The following MAGI2 variants were observed in gnomAD, a reference collection of about 807,000 sequenced individuals.
MAGI2 encodes the protein membrane associated guanylate kinase, WW and PDZ domain containing 2.
Under a neutral mutation model 133.3 loss-of-function variants are expected in MAGI2, and 35 were observed. The observed-to-expected ratio is 0.26, with a 90% CI of 0.20 to 0.35. The LOEUF is 0.35. Ranked by LOEUF, MAGI2 falls within the 10% of genes least tolerant of loss-of-function variation. MAGI2 has a pLI of 1.00. For missense variants in MAGI2, 1,636 were observed against 1,863.4 expected (o/e 0.88, Z 2.25); for synonymous variants, 729 against 710.6 (o/e 1.03, Z -0.41).
intron 6 of MAGI2, among the ~76,000 whole-genome samples, chr7:78,409,123 T>G (rs1583955964): frequency 6.6e-6 from 1 of 152,198 alleles, no homozygotes; most frequent in Non-Finnish European, 1.5e-5. Flanking sequence ...CATAGCACCT[T>G]TCTATCACAA....
intron 6 of MAGI2, among the ~76,000 whole-genome samples, chr7:78,462,276 T>A (rs1375182036): frequency 2.6e-5 from 4 of 152,268 alleles, no homozygotes; most frequent in Middle Eastern, 3.4e-3. Context: ...AAAACCAGTA[T>A]ACAAATTAAG....
At chr7:78,465,090 T>C (rs1337578082) in intron 6 of MAGI2, among the ~76,000 whole-genome samples, 1 of 152,126 alleles carries the variant, frequency 6.6e-6, no homozygotes, top group African/African-American at 2.4e-5. Context: ...TACAAATAAT[T>C]TATCAGGCAA....
chr7:78,350,036 G>T (rs17150594), intron 7 of MAGI2: 1 of 152,126 alleles, frequency 6.6e-6, no homozygotes, highest in Non-Finnish European at 1.5e-5. Flanking sequence ...GTCATATTTT[G>T]CTAAGAGAAT....
chr7:78,265,484 T>C (rs1159880036), intron 9 of MAGI2, among the ~76,000 whole-genome samples: 1 of 152,170 alleles, frequency 6.6e-6, no homozygotes, highest in African/African-American at 2.4e-5. Context: ...AAACAAAAAG[T>C]AGCAAACATT....
chr7:78,889,537 A>T lies in MAGI2; in HGVS notation c.418+117553T>A, dbSNP rs542075783. Among the ~76,000 whole-genome samples the T allele has an allele frequency of 3.5e-4, 53 of 152,358 alleles. No homozygotes were observed. The South Asian group carries it at 0.011, about 32-fold the overall frequency. On this transcript the variant is annotated intron_variant, in intron 2 of 21. Transcript: ENST00000354212. ...AGACTAACAGTGGATCTCTCAGCAG[A>T]AACTCTACAAGCCAGAAGACAGTGG... is the stretch of plus-strand genomic sequence containing the variant.
intron 20 of MAGI2, among the ~76,000 whole-genome samples, chr7:78,111,165 C>T (rs12673500): frequency 0.12 from 18,393 of 152,114 alleles, 1,290 homozygotes; most frequent in South Asian, 0.19. Flanking sequence ...GTAATTTATT[C>T]TCAGGCAAAG....
chr7:78,347,840 G>A (rs1791074133), intron 7 of MAGI2, among the ~76,000 whole-genome samples: 1 of 152,144 alleles, frequency 6.6e-6, no homozygotes, highest in Non-Finnish European at 1.5e-5. Context: ...TTATTGTAAT[G>A]CTCTTGTTCA....
intron 5 of MAGI2, among the ~76,000 whole-genome samples, chr7:78,492,197 A>C (rs941509508): frequency 2.0e-5 from 3 of 151,984 alleles, no homozygotes; most frequent in Non-Finnish European, 4.4e-5. Context: ...AGAACTGTGA[A>C]TTTTCCAGCT....
chr7:78,417,201 C>T (rs985645529), intron 6 of MAGI2, among the ~76,000 whole-genome samples: 20 of 151,960 alleles, frequency 1.3e-4, no homozygotes, highest in African/African-American at 4.6e-4. Flanking sequence ...TCTTGAATTA[C>T]ATATAACTGA....
intron 2 of MAGI2, among the ~76,000 whole-genome samples, chr7:78,893,071 A>T (rs1584306973): frequency 1.3e-5 from 2 of 152,196 alleles, no homozygotes; most frequent in East Asian, 3.9e-4. Flanking sequence ...TGGGCAAAGG[A>T]TATGAACAGA....
intron 9 of MAGI2, among the ~76,000 whole-genome samples, chr7:78,280,375 A>G (rs1288169456): frequency 6.6e-6 from 1 of 152,150 alleles, no homozygotes; most frequent in East Asian, 1.9e-4. Context: ...AGGAAAGGAC[A>G]GGAAAGAGCC....
At chr7:79,431,528 T>G (rs1376084422) in intron 1 of MAGI2, among the ~76,000 whole-genome samples, 2 of 152,204 alleles carry the variant, frequency 1.3e-5, no homozygotes, top group African/African-American at 2.4e-5. Context: ...GTAGTCCTAA[T>G]ATAGTATTTT....
Position 79,368,231 on chromosome 7 carries a change from G to A in MAGI2, c.301+84789C>T, listed in dbSNP as rs117227779. Among the ~76,000 whole-genome samples the A allele has an allele frequency of 4.5e-4, 69 of 152,178 alleles. No individual in the cohort carries two copies. In the East Asian group the frequency reaches 0.013, roughly 28 times the overall value. ...GAAAACATGAGGAATAACAGAGACA[G>A]CATAATAGAGCTAGACAGGGAATGA... On this transcript the variant is annotated intron_variant, in intron 1 of 21. Transcript: ENST00000354212.
intron 1 of MAGI2, among the ~76,000 whole-genome samples, chr7:79,062,588 G>A (rs955006949): frequency 6.6e-6 from 1 of 152,076 alleles, no homozygotes; most frequent in Non-Finnish European, 1.5e-5. Context: ...TGTATTTTCT[G>A]CTCAGTTATT....
intron 1 of MAGI2, among the ~76,000 whole-genome samples, chr7:79,448,707 T>TA (rs1563235217): frequency 6.6e-6 from 1 of 152,140 alleles, no homozygotes; most frequent in Non-Finnish European, 1.5e-5. Context: ...AGTCATTAAT[T>TA]AAACTATAAT....
intron 3 of MAGI2, among the ~76,000 whole-genome samples, chr7:78,524,052 G>GAA (rs11434233): frequency 0.26 from 38,561 of 148,986 alleles, 5,084 homozygotes; most frequent in South Asian, 0.43. Flanking sequence ...CATTTCTAGG[G>GAA]AAAAAAAAAA....
chr7:78,119,341 A>G (rs1205216230), intron 20 of MAGI2, among the ~76,000 whole-genome samples: 1 of 152,016 alleles, frequency 6.6e-6, no homozygotes, highest in African/African-American at 2.4e-5. Flanking sequence ...CAGGCAGATC[A>G]TGAGGTCAGG....
Position 78,511,091 on chromosome 7 carries a change from G to T in MAGI2, c.755-9304C>A, listed in dbSNP as rs116590410. ...TGATCTAAGGTTTTATTGGATTGTG[G>T]TGGGAGGACTGTTTGCTTCACTGCT... On this transcript the variant is annotated intron_variant, in intron 4 of 21. Coordinates refer to ENST00000354212, the MANE Select transcript of MAGI2 (RefSeq NM_012301.4). Among the ~76,000 whole-genome samples, 689 of 152,246 alleles carry T rather than the reference G, an allele frequency of 4.5e-3. 2 individuals are homozygous for T. Among genetic ancestry groups the T allele is most frequent in the African/African-American group, 0.016 (661 of 41,532 alleles).
intron 9 of MAGI2, among the ~76,000 whole-genome samples, chr7:78,328,932 A>C (rs970227101): frequency 6.6e-6 from 1 of 152,226 alleles, no homozygotes; most frequent in African/African-American, 2.4e-5. Flanking sequence ...AAAGAAAGAC[A>C]GTTCTAGGTT....
Sources: gnomAD v4.1 joint callset for allele counts (sites outside exome capture counted in the v4.1 genomes callset) on GRCh38, gnomAD v4.1.1 for gene constraint, MANE v1.5 for transcripts, NCBI Gene and HGNC (gene_info 2026-07-23, HGNC 2026-07-21) for gene names.